The following CTNNA1 variants were observed in gnomAD, a reference collection of about 807,000 sequenced individuals.
CTNNA1 encodes catenin alpha 1, also known as catenin alpha-1.
CTNNA1 carries 37 observed loss-of-function variants against 98.4 expected under a neutral mutation model. That is an observed-to-expected ratio of 0.38 (90% CI 0.29 to 0.49). CTNNA1 has a LOEUF of 0.49. Ranked by LOEUF, CTNNA1 falls within the 20% of genes least tolerant of loss-of-function variation. The pLI is 0.95. For synonymous variants in CTNNA1, 404 were observed against 413.2 expected, an observed-to-expected ratio of 0.98 and a Z score of 0.27; for missense variants, 761 against 1,147.2, an observed-to-expected ratio of 0.66 and a Z score of 4.86.
At chr5:138,928,174 C>T (rs1459437345) in intron 13 of CTNNA1, among the ~76,000 whole-genome samples, 5 of 152,206 alleles carry the variant, frequency 3.3e-5, no homozygotes, top group Admixed American at 1.3e-4. Context: ...ACAGGCCAGC[C>T]GGCTGGGCTG....
chr5:138,833,028 A>T (rs1023127751), intron 7 of CTNNA1, among the ~76,000 whole-genome samples: 14 of 152,122 alleles, frequency 9.2e-5, no homozygotes, highest in African/African-American at 3.4e-4. Context: ...GTGTTTTTCC[A>T]ATAGTAGAAT....
At chr5:138,839,160 T>C (rs1010681951) in intron 7 of CTNNA1, among the ~76,000 whole-genome samples, 2 of 152,244 alleles carry the variant, frequency 1.3e-5, no homozygotes, top group Non-Finnish European at 2.9e-5. Flanking sequence ...CCTTGTTTTA[T>C]GACCCAGTGC....
intron 9 of CTNNA1, among the ~76,000 whole-genome samples, chr5:138,892,073 A>C (rs1180293075): frequency 6.6e-6 from 1 of 152,184 alleles, no homozygotes; most frequent in Non-Finnish European, 1.5e-5. Flanking sequence ...AGACAGAACC[A>C]GTGTACATCT....
intron 6 of CTNNA1, among the ~76,000 whole-genome samples, chr5:138,827,018 A>G (rs1245398939): frequency 6.6e-6 from 1 of 152,192 alleles, no homozygotes; most frequent in Non-Finnish European, 1.5e-5. Flanking sequence ...GGCCTCAAAC[A>G]ATCCTCCTTC....
At chr5:138,807,172 G>A (rs1758174917) in intron 3 of CTNNA1, among the ~76,000 whole-genome samples, 1 of 151,844 alleles carries the variant, frequency 6.6e-6, no homozygotes, top group East Asian at 1.9e-4. Context: ...CACCATGTCT[G>A]GCTGTTTGCA....
At position 138,786,985 on chromosome 5, in the gene CTNNA1, A is replaced by G. The variant is rs376259559; in HGVS notation, c.301+3613A>G. ...GACCTAACTTTTCTGAATTTTTCTGATAAATAAAAATATGCCATCCACTGA... is the reference window on the plus strand; with the variant it reads ...GACCTAACTTTTCTGAATTTTTCTGGTAAATAAAAATATGCCATCCACTGA... On this transcript the variant is annotated intron_variant, in intron 3 of 17. Coordinates refer to ENST00000302763, the MANE Select transcript of CTNNA1 (RefSeq NM_001903.5). Among the ~76,000 whole-genome samples the G allele has an allele frequency of 2.6e-5, 4 of 152,364 alleles. No homozygotes were observed. In the East Asian group the frequency reaches 5.8e-4, roughly 22 times the overall value.
intron 7 of CTNNA1, among the ~76,000 whole-genome samples, chr5:138,859,860 A>C (rs1428228462): frequency 6.6e-6 from 1 of 152,162 alleles, no homozygotes; most frequent in Non-Finnish European, 1.5e-5. Flanking sequence ...GAAAGCCAAA[A>C]CTGCAACTCT....
At chr5:138,775,314 C>G (rs1412908452) in intron 1 of CTNNA1, among the ~76,000 whole-genome samples, 1 of 152,194 alleles carries the variant, frequency 6.6e-6, no homozygotes, top group East Asian at 1.9e-4. Flanking sequence ...CTAGAGCATT[C>G]CATTTCCTAA....
At chr5:138,848,071 C>T (rs567918740) in intron 7 of CTNNA1, among the ~76,000 whole-genome samples, 37 of 152,122 alleles carry the variant, frequency 2.4e-4, no homozygotes, top group South Asian at 1.7e-3. Context: ...TGCTTTCCTT[C>T]CAGAGATGTT....
chr5:138,798,875 GGA>G (rs1318180814), intron 3 of CTNNA1, among the ~76,000 whole-genome samples: 1 of 152,122 alleles, frequency 6.6e-6, no homozygotes, highest in East Asian at 1.9e-4. Flanking sequence ...GTGCGATCTT[GGA>G]TATAGTTCCT....
chr5:138,878,247 A>G (rs1213838232), intron 7 of CTNNA1, among the ~76,000 whole-genome samples: 1 of 152,212 alleles, frequency 6.6e-6, no homozygotes, highest in Non-Finnish European at 1.5e-5. Context: ...TTTGGGTTCA[A>G]GAGGTTCAGG....
At position 138,762,487 on chromosome 5, in the gene CTNNA1, G is replaced by GTT. The variant is rs5871678; in HGVS notation, c.-3+8985_-3+8986dup. On this transcript the variant is annotated intron_variant, in intron 1 of 17. Transcript: ENST00000302763. Reference sequence around the variant, plus strand: ...CCTTAAATGTTCATTATTTTCTTTAGTTTTTTTTTATAACTATCAAACTTA... The same window carrying GTT: ...CCTTAAATGTTCATTATTTTCTTTAGTTTTTTTTTTTATAACTATCAAACTTA... Among the ~76,000 whole-genome samples the GTT allele has an allele frequency of 1.5e-3, 234 of 151,132 alleles. 1 individual carries two copies. The highest frequency in any genetic ancestry group is 4.0e-3 in the African/African-American group (163 of 41,246).
chr5:138,933,231 C>T (rs1765790031), intron 17 of CTNNA1, among the ~76,000 whole-genome samples: 1 of 152,200 alleles, frequency 6.6e-6, no homozygotes, highest in Non-Finnish European at 1.5e-5. Context: ...AAAAGCCCTT[C>T]ACTCCTCAGA....
At chr5:138,930,737 C>A in intron 15 of CTNNA1, 83 bp downstream of exon 15, 1 of 1,547,864 alleles carries the variant, frequency 6.5e-7, no homozygotes, top group Admixed American at 1.7e-5. Flanking sequence ...TCAGACAGCC[C>A]AGGCCATGGG....
intron 7 of CTNNA1, among the ~76,000 whole-genome samples, chr5:138,862,686 C>T (rs1029223623): frequency 2.6e-5 from 4 of 152,060 alleles, no homozygotes; most frequent in African/African-American, 7.2e-5. Flanking sequence ...GGTTACTTGA[C>T]GGTGAGATAA....
chr5:138,778,284 G>A (rs1009318190), intron 1 of CTNNA1, among the ~76,000 whole-genome samples: 5 of 152,142 alleles, frequency 3.3e-5, no homozygotes, highest in East Asian at 3.9e-4. Flanking sequence ...GTGAGCCTCC[G>A]CGCCCGGCTG....
Position 138,824,750 on chromosome 5 carries a change from A to T in CTNNA1, c.809A>T (p.His270Leu), listed in dbSNP as rs201055659. The T allele has an allele frequency of 6.2e-7, 1 of 1,614,240 alleles. No individual in the cohort carries two copies. The highest frequency in any genetic ancestry group is 1.3e-5 in the African/African-American group (1 of 75,068). The part of the protein sequence containing the change: ...QATASDDASQ[H>L]QGGGGGELAY... ...ACTGCCTCAGACGATGCCTCACAGC[A>T]CCAGGGTGGAGGAGGAGGAGAACTG... Residue 270 changes from histidine (H) to leucine (L), a missense_variant, in exon 6 of 18, where the codon CAC becomes CTC. By Grantham distance (99) the His-to-Leu change is moderately conservative (BLOSUM62 -3). Around this residue, in one of 6 missense-constraint regions of CTNNA1, gnomAD observed 328 missense variants for 354.3 expected, o/e 0.93. Transcript: ENST00000302763.
At chr5:138,791,469 T>G (rs973852120) in intron 3 of CTNNA1, among the ~76,000 whole-genome samples, 1 of 151,566 alleles carries the variant, frequency 6.6e-6, no homozygotes, top group African/African-American at 2.4e-5. Context: ...TACAAAAAAT[T>G]AGCCAGGCGT....
intron 10 of CTNNA1, among the ~76,000 whole-genome samples, chr5:138,912,059 G>A (rs1044280566): frequency 1.1e-4 from 17 of 152,144 alleles, no homozygotes; most frequent in African/African-American, 4.1e-4. Flanking sequence ...TCATGTTGAG[G>A]GCAGAGGTCT....
Sources: gnomAD v4.1 joint callset for allele counts (sites outside exome capture counted in the v4.1 genomes callset) on GRCh38, gnomAD v4.1.1 for gene constraint, gnomAD v4.1.1 regional missense constraint, MANE v1.5 for transcripts, NCBI Gene and HGNC (gene_info 2026-07-23, HGNC 2026-07-21) for gene names.